Variants in LRP1B observed in about 807,000 individuals in gnomAD.
LRP1B encodes the protein LDL receptor related protein 1B, also known as low-density lipoprotein receptor-related protein 1B.
LRP1B carries 217 observed loss-of-function variants against 556.6 expected under a neutral mutation model. That is an observed-to-expected ratio of 0.39 (90% confidence interval 0.35 to 0.44). The LOEUF is 0.44. Among genes scored for constraint, LRP1B ranks in the 20% least tolerant of loss-of-function variants. The pLI is 1.00. For missense variants in LRP1B, 5,053 were observed against 5,620.8 expected (o/e 0.90, Z 3.23); for synonymous variants, 2,047 against 1,865.8 (o/e 1.10, Z -2.50).
chr2:140,978,103 T>C (rs1031519360), intron 18 of LRP1B, among the ~76,000 whole-genome samples: 2 of 152,228 alleles, frequency 1.3e-5, no homozygotes, highest in African/African-American at 4.8e-5. Context: ...GTTAAACAAC[T>C]GCTTAAAGAT....
At chr2:142,034,716 T>C (rs536243194) in intron 1 of LRP1B, among the ~76,000 whole-genome samples, 1 of 151,960 alleles carries the variant, frequency 6.6e-6, no homozygotes, top group South Asian at 2.1e-4. Context: ...AATAAATCTT[T>C]ACATTCAGAA....
chr2:140,542,730 T>TA (rs781003500), intron 43 of LRP1B, among the ~76,000 whole-genome samples: 48 of 152,076 alleles, frequency 3.2e-4, no homozygotes, highest in Non-Finnish European at 3.4e-4. Flanking sequence ...GAATAAAAGT[T>TA]ACGGGAAGTG....
chr2:141,820,889 G>A (rs538710480), intron 1 of LRP1B, among the ~76,000 whole-genome samples: 1 of 152,218 alleles, frequency 6.6e-6, no homozygotes, highest in African/African-American at 2.4e-5. Context: ...TGGAATCTGT[G>A]AATATGTCAC....
chr2:140,861,015 TATC>T (rs1559161519), intron 27 of LRP1B, among the ~76,000 whole-genome samples: 4 of 151,934 alleles, frequency 2.6e-5, no homozygotes, highest in African/African-American at 9.7e-5. Flanking sequence ...TCTATCTATC[TATC>T]TATCTATCTA....
At chr2:140,271,312 G>T (rs757689532) in intron 85 of LRP1B, among the ~76,000 whole-genome samples, 9 of 151,916 alleles carry the variant, frequency 5.9e-5, no homozygotes, top group African/African-American at 1.2e-4. Flanking sequence ...AGTATTAGCT[G>T]CTATGAAACA....
At chr2:141,078,004 A>T (rs1699833936) in intron 7 of LRP1B, among the ~76,000 whole-genome samples, 1 of 151,294 alleles carries the variant, frequency 6.6e-6, no homozygotes, top group Non-Finnish European at 1.5e-5. Flanking sequence ...ACCCAAATGA[A>T]ATTTGAGCCA....
rs1305163927 is a variant in LRP1B, at chr2:141,129,947, TATC to T, written c.1013+58471_1013+58473del. Among the ~76,000 whole-genome samples the T allele has an allele frequency of 2.7e-5, 4 of 149,970 alleles. No individual in the cohort carries two copies. In the East Asian group the frequency reaches 5.8e-4, roughly 22 times the overall value. Reference sequence around the variant, plus strand: ...CAGTTTTTGGAAAAGAAGACAAAGTTATCATGGACTAGACGTAATAATTTTAAT... The same window carrying T: ...CAGTTTTTGGAAAAGAAGACAAAGTTATGGACTAGACGTAATAATTTTAAT... On this transcript the variant is annotated intron_variant, in intron 7 of 90. Coordinates refer to ENST00000389484, the MANE Select transcript of LRP1B (RefSeq NM_018557.3).
chr2:140,456,155 C>T, intron 62 of LRP1B, among the ~76,000 whole-genome samples: 1 of 152,120 alleles, frequency 6.6e-6, no homozygotes, highest in East Asian at 1.9e-4. Context: ...TGAGAGATTT[C>T]CTGCTCTGTT....
intron 66 of LRP1B, among the ~76,000 whole-genome samples, chr2:140,430,879 A>G (rs953311178): frequency 2.6e-5 from 4 of 152,090 alleles, no homozygotes; most frequent in Non-Finnish European, 4.4e-5. Context: ...TTTCCTACAC[A>G]TCAAGCTCGG....
intron 1 of LRP1B, among the ~76,000 whole-genome samples, chr2:141,950,532 G>T (rs908152984): frequency 3.3e-5 from 5 of 152,082 alleles, no homozygotes; most frequent in African/African-American, 1.2e-4. Context: ...TAGTCTTTGA[G>T]AATGAAGACT....
chr2:140,820,971 A>G (rs1465835463), intron 31 of LRP1B, among the ~76,000 whole-genome samples: 1 of 151,500 alleles, frequency 6.6e-6, no homozygotes, highest in Non-Finnish European at 1.5e-5. Flanking sequence ...AATATTATCA[A>G]TTTGGTTACA....
rs1256844094 is a variant in LRP1B, at chr2:141,345,077, T to A, written c.344-90436A>T. ...GAAGTACGTTACAAAGTTAGAATGA[T>A]GCAATGTGAGGAACACTTGACTGGC... On this transcript the variant is annotated intron_variant, in intron 3 of 90. Transcript: ENST00000389484. 5.3e-5 allele frequency among the ~76,000 whole-genome samples: 8 copies of A among 151,800 alleles called. No individual in the cohort carries two copies. The South Asian group carries it at 6.2e-4, about 12-fold the overall frequency.
intron 1 of LRP1B, among the ~76,000 whole-genome samples, chr2:141,876,655 T>G (rs183284750): frequency 6.5e-4 from 99 of 152,108 alleles, no homozygotes; most frequent in African/African-American, 2.2e-3. Context: ...TAGTTGACAC[T>G]ATGACTTAAT....
At chr2:140,597,229 C>T (rs1001000521) in intron 43 of LRP1B, among the ~76,000 whole-genome samples, 46 of 151,968 alleles carry the variant, frequency 3.0e-4, no homozygotes, top group African/African-American at 1.1e-3. Flanking sequence ...TGATGAGTTG[C>T]AATTAAACAA....
At chr2:141,302,303 C>T (rs890547982) in intron 3 of LRP1B, among the ~76,000 whole-genome samples, 1 of 152,036 alleles carries the variant, frequency 6.6e-6, no homozygotes, top group African/African-American at 2.4e-5. Flanking sequence ...GCAACTAGAA[C>T]ATTTGGCCAG....
intron 18 of LRP1B, among the ~76,000 whole-genome samples, chr2:140,967,337 C>A (rs1206364374): frequency 8.7e-5 from 4 of 46,082 alleles, no homozygotes; most frequent in Admixed American, 2.5e-4. Flanking sequence ...CGATTTGGCT[C>A]TCTGTCTGTT....
intron 2 of LRP1B, among the ~76,000 whole-genome samples, chr2:141,491,315 T>C (rs1239514971): frequency 6.6e-6 from 1 of 152,184 alleles, no homozygotes; most frequent in Admixed American, 6.6e-5. Flanking sequence ...AGTCATAATT[T>C]AAAATTTCTC....
intron 1 of LRP1B, among the ~76,000 whole-genome samples, chr2:141,866,543 G>T (rs1351889426): frequency 1.3e-5 from 2 of 152,172 alleles, no homozygotes; most frequent in Non-Finnish European, 2.9e-5. Flanking sequence ...TGGCTGCACA[G>T]TAATTTCAGT....
chr2:141,022,125 G>A (rs1374235238), intron 11 of LRP1B, among the ~76,000 whole-genome samples: 1 of 151,324 alleles, frequency 6.6e-6, no homozygotes, highest in African/African-American at 2.4e-5. Context: ...TGTTCTTAAT[G>A]GTTGGCATAT....
Sources: allele counts gnomAD v4.1 joint callset (sites outside exome capture counted in the v4.1 genomes callset), GRCh38; gene constraint gnomAD v4.1.1; transcripts MANE v1.5; gene names NCBI Gene and HGNC (gene_info 2026-07-23, HGNC 2026-07-21).